The following SPAST variants were observed in gnomAD, a reference collection of about 807,000 sequenced individuals.
SPAST encodes spastic paraplegia 4 (autosomal dominant; spastin).
In SPAST, 30 loss-of-function variants were observed where a neutral mutation model predicts 76.6. The observed-to-expected ratio is 0.39, with a 90% CI of 0.29 to 0.53. SPAST has a LOEUF of 0.53. Ranked by LOEUF, SPAST falls within the 20% of genes least tolerant of loss-of-function variation. The probability of loss-of-function intolerance (pLI) is 0.68; values close to 1 mark genes in which losing one functional copy is unlikely to be tolerated. For synonymous variants in SPAST, 305 were observed against 281.0 expected (o/e 1.09, Z -0.86); for missense variants, 717 against 770.5 (o/e 0.93, Z 0.82).
chr2:32,068,662 T>G (rs1676623105), intron 1 of SPAST, among the ~76,000 whole-genome samples: 1 of 152,164 alleles, frequency 6.6e-6, no homozygotes, highest in Non-Finnish European at 1.5e-5. Flanking sequence ...CAACAACTGA[T>G]GCCGTAATAT....
At chr2:32,122,874 A>T (rs1033257726) in intron 7 of SPAST, among the ~76,000 whole-genome samples, 17 of 152,208 alleles carry the variant, frequency 1.1e-4, no homozygotes, top group Admixed American at 1.1e-3. Context: ...CCTAGAACTA[A>T]TAAGTGATTA....
intron 4 of SPAST, among the ~76,000 whole-genome samples, chr2:32,113,505 C>T (rs977786357): frequency 2.6e-5 from 4 of 151,458 alleles, no homozygotes; most frequent in African/African-American, 9.7e-5. Flanking sequence ...ACATCCTATC[C>T]CTAATGCCTT....
At chr2:32,076,235 A>C (rs1437162848) in intron 1 of SPAST, among the ~76,000 whole-genome samples, 1 of 152,166 alleles carries the variant, frequency 6.6e-6, no homozygotes, top group Non-Finnish European at 1.5e-5. Context: ...ATAAGGTGAC[A>C]TTTTTAAGGG....
At chr2:32,104,728 TATGA>T (rs1678254543) in intron 4 of SPAST, among the ~76,000 whole-genome samples, 1 of 152,218 alleles carries the variant, frequency 6.6e-6, no homozygotes. Context: ...TTTGGCTGGA[TATGA>T]AACTCTGGGT....
chr2:32,072,193 C>G (rs1016374072), intron 1 of SPAST, among the ~76,000 whole-genome samples: 1 of 141,114 alleles, frequency 7.1e-6, no homozygotes, highest in Admixed American at 7.2e-5. Flanking sequence ...CAGGCGCTGG[C>G]CACCATGCCC....
chr2:32,131,671 C>CTTTTTTTTTTT (rs541036416), intron 9 of SPAST, among the ~76,000 whole-genome samples: 1 of 108,018 alleles, frequency 9.3e-6, no homozygotes, highest in Non-Finnish European at 1.8e-5. Context: ...CAACCATTCT[C>CTTTTTTTTTTT]TTTTTTTTTT....
At chr2:32,130,940 C>T (rs1274461219) in intron 9 of SPAST, among the ~76,000 whole-genome samples, 1 of 152,136 alleles carries the variant, frequency 6.6e-6, no homozygotes, top group Non-Finnish European at 1.5e-5. Context: ...TGTTCTCTCC[C>T]TGTACCTATA....
At chr2:32,127,154 G>T (rs777349383) in intron 8 of SPAST, 132 bp downstream of exon 8, 109 of 731,468 alleles carry the variant, frequency 1.5e-4, no homozygotes, top group East Asian at 2.4e-4. Context: ...TGTTTTTTTT[G>T]TTTGTTTGTT....
chr2:32,076,930 C>CA (rs1204494888), intron 1 of SPAST, among the ~76,000 whole-genome samples: 1 of 151,968 alleles, frequency 6.6e-6, no homozygotes, highest in Non-Finnish European at 1.5e-5. Flanking sequence ...GGCTAGAGTG[C>CA]AGTGGCACAA....
Position 32,063,955 on chromosome 2 carries a change from C to T in SPAST, c.124C>T (p.Pro42Ser). 3 of 1,611,536 alleles carry T rather than the reference C, an allele frequency of 1.9e-6. No homozygotes were observed. The highest frequency in any genetic ancestry group is 1.7e-6 in the Non-Finnish European group (2 of 1,178,824). The change falls in exon 1 of 17, where the codon CCC becomes TCC. Residue 42 changes from proline to serine, a missense_variant. Physicochemically the swap from Pro to Ser is moderately conservative, Grantham distance 74. Transcript: ENST00000315285. ...TCCCGCCGCCGGGCCGGCCCCTCCG[C>T]CCGAGTCGCCGCATAAGCGGAACCT... ...APPAAGPAPP[P>S]ESPHKRNLYY...
chr2:32,142,154 A>C (rs966969163), intron 13 of SPAST, among the ~76,000 whole-genome samples: 1 of 152,222 alleles, frequency 6.6e-6, no homozygotes, highest in Non-Finnish European at 1.5e-5. Context: ...TGTCCACACA[A>C]AGACTTGTAC....
At chr2:32,120,220 T>C (rs1331032131) in intron 7 of SPAST, among the ~76,000 whole-genome samples, 2 of 152,116 alleles carry the variant, frequency 1.3e-5, no homozygotes, top group African/African-American at 2.4e-5. Flanking sequence ...CTTACCTCTT[T>C]AAATAATCTT....
chr2:32,075,041 T>C (rs942124319), intron 1 of SPAST, among the ~76,000 whole-genome samples: 1 of 152,130 alleles, frequency 6.6e-6, no homozygotes, highest in Non-Finnish European at 1.5e-5. Context: ...TGTTAGAACA[T>C]TGTTAACTCT....
intron 14 of SPAST, 28 bp downstream of exon 14, chr2:32,143,443 A>G: frequency 7.5e-7 from 1 of 1,327,416 alleles, no homozygotes; most frequent in Non-Finnish European, 1.1e-6. Context: ...GGTTTATCTT[A>G]CAGCTTTTAT....
chr2:32,083,281 A>C (rs994882006), intron 1 of SPAST, among the ~76,000 whole-genome samples: 2 of 152,086 alleles, frequency 1.3e-5, no homozygotes, highest in African/African-American at 4.8e-5. Flanking sequence ...TTATGAATAA[A>C]GGTACTGTAA....
intron 4 of SPAST, among the ~76,000 whole-genome samples, chr2:32,106,470 A>C (rs1203862289): frequency 6.6e-6 from 1 of 152,150 alleles, no homozygotes; most frequent in Non-Finnish European, 1.5e-5. Flanking sequence ...ACTGTCTGAC[A>C]ATCCCCAGTG....
intron 4 of SPAST, among the ~76,000 whole-genome samples, chr2:32,103,121 T>G (rs1417686068): frequency 6.6e-6 from 1 of 152,360 alleles, no homozygotes; most frequent in East Asian, 1.9e-4. Context: ...TAGTAGGCTA[T>G]TAATTATTGC....
intron 12 of SPAST, among the ~76,000 whole-genome samples, chr2:32,138,284 C>T (rs1052996667): frequency 5.9e-5 from 9 of 152,292 alleles, no homozygotes; most frequent in South Asian, 2.1e-4. Context: ...GCAGTACATA[C>T]GCTCCACAAC....
Position 32,063,816 on chromosome 2 carries a change from G to A in SPAST, c.-16G>A, listed in dbSNP as rs773260177. On this transcript the variant is annotated 5_prime_UTR_variant, in exon 1 of 17. Coordinates refer to ENST00000315285, the MANE Select transcript of SPAST (RefSeq NM_014946.4). ...CGGGAGGCGGGTTATGGCGGCGGCG[G>A]CAGTGAGAGCTGTGAATGAATTCTC... The A allele has an allele frequency of 1.3e-6, 2 of 1,557,496 alleles. No homozygotes were observed. The highest frequency in any genetic ancestry group is 1.7e-6 in the Non-Finnish European group (2 of 1,160,288).
Sources: allele counts gnomAD v4.1 joint callset (sites outside exome capture counted in the v4.1 genomes callset), GRCh38; gene constraint gnomAD v4.1.1; transcripts MANE v1.5; gene names NCBI Gene and HGNC (gene_info 2026-07-23, HGNC 2026-07-21).